The following TRPM8 variants were observed in gnomAD, a reference collection of about 807,000 sequenced individuals.
TRPM8 encodes the protein TRPM8 cationic channel.
In TRPM8, 110 loss-of-function variants were observed where a neutral mutation model predicts 133.7. That is an observed-to-expected ratio of 0.82 (90% confidence interval 0.70 to 0.96). The LOEUF (loss-of-function observed/expected upper bound fraction) is 0.96. Ranked by LOEUF, TRPM8 falls within the 40% of genes least tolerant of loss-of-function variation. TRPM8 has a pLI of 0.00. For synonymous variants in TRPM8, 535 were observed against 532.3 expected, an observed-to-expected ratio of 1.01 and a Z score of -0.07; for missense variants, 1,291 against 1,379.5, an observed-to-expected ratio of 0.94 and a Z score of 1.02.
chr2:233,950,133 G>A lies in TRPM8; in HGVS notation c.1127G>A (p.Ser376Asn), dbSNP rs1418038362. Reference sequence around the variant, plus strand: ...CGGCTGCCTGAGGAGGAGACTGAGAGTTGGATCAAATGGGTAAGTTGTCGG... The same window carrying A: ...CGGCTGCCTGAGGAGGAGACTGAGAATTGGATCAAATGGGTAAGTTGTCGG... ...VSRLPEEETESWIKWLKEILE... is the reference protein window; with the variant it reads ...VSRLPEEETENWIKWLKEILE... The change falls in exon 9 of 26, where the codon AGT becomes AAT. Residue 376 changes from serine (S) to asparagine (N), a missense_variant. Ser to Asn is a conservative substitution (Grantham distance 46, BLOSUM62 1). Around this residue, in one of 2 missense-constraint regions of TRPM8, gnomAD observed 963 missense variants for 968.9 expected, o/e 0.99. Transcript: ENST00000324695. 2 of 1,612,692 alleles carry A rather than the reference G, an allele frequency of 1.2e-6. No individual in the cohort carries two copies. The highest frequency in any genetic ancestry group is 1.1e-5 in the South Asian group (1 of 90,958).
intron 4 of TRPM8, among the ~76,000 whole-genome samples, chr2:233,938,163 G>A (rs1398923438): frequency 6.6e-6 from 1 of 152,178 alleles, no homozygotes; most frequent in Admixed American, 6.5e-5. Context: ...CCGCAGCTCT[G>A]CCCACCTCCC....
chr2:233,991,066 A>T (rs542438089), intron 21 of TRPM8, among the ~76,000 whole-genome samples: 1 of 152,166 alleles, frequency 6.6e-6, no homozygotes, highest in Non-Finnish European at 1.5e-5. Context: ...TCATGTACCC[A>T]GAGCCCCAAG....
At chr2:233,971,476 G>A (rs969669710) in intron 17 of TRPM8, among the ~76,000 whole-genome samples, 4 of 152,206 alleles carry the variant, frequency 2.6e-5, no homozygotes, top group Non-Finnish European at 5.9e-5. Context: ...CCAGTGCCCT[G>A]TGTCTGACTT....
chr2:233,984,360 G>T (rs906822069), intron 20 of TRPM8, among the ~76,000 whole-genome samples: 1 of 152,066 alleles, frequency 6.6e-6, no homozygotes, highest in Admixed American at 6.5e-5. Flanking sequence ...TTTCTCAGAC[G>T]CACCTTGGCA....
At chr2:233,976,254 G>A (rs1691870601) in intron 17 of TRPM8, among the ~76,000 whole-genome samples, 1 of 152,178 alleles carries the variant, frequency 6.6e-6, no homozygotes, top group Admixed American at 6.5e-5. Context: ...TTACTGGGAG[G>A]TTGGCCCAGA....
At chr2:234,014,880 A>G (rs1692922108) in intron 25 of TRPM8, among the ~76,000 whole-genome samples, 1 of 152,054 alleles carries the variant, frequency 6.6e-6, no homozygotes, top group Non-Finnish European at 1.5e-5. Context: ...AGGGATTAGC[A>G]TTGCTACGAG....
intron 9 of TRPM8, 88 bp downstream of exon 9, chr2:233,950,234 C>A: frequency 7.7e-7 from 1 of 1,294,904 alleles, no homozygotes; most frequent in Non-Finnish European, 1.1e-6. Flanking sequence ...ACTCCACCAG[C>A]AGCTGCACGT....
chr2:233,949,827 C>T, intron 8 of TRPM8, 122 bp from the exon 9 acceptor site: 1 of 777,550 alleles, frequency 1.3e-6, no homozygotes, highest in Non-Finnish European at 2.0e-6. Context: ...ATAAAAGCCC[C>T]AAAGGAAAAC....
chr2:234,011,457 T>C (rs879491540), intron 24 of TRPM8, among the ~76,000 whole-genome samples: 7 of 152,186 alleles, frequency 4.6e-5, no homozygotes, highest in Admixed American at 4.6e-4. Flanking sequence ...TTCTGTGGTT[T>C]TATATAATTT....
chr2:233,978,735 AAT>A (rs1272014203), intron 17 of TRPM8, among the ~76,000 whole-genome samples: 17 of 152,252 alleles, frequency 1.1e-4, no homozygotes, highest in Middle Eastern at 3.4e-3. Flanking sequence ...CTATTTACTG[AAT>A]AAAAAAGAGA....
At chr2:233,980,623 CT>C (rs1691982789) in intron 18 of TRPM8, among the ~76,000 whole-genome samples, 1 of 152,178 alleles carries the variant, frequency 6.6e-6, no homozygotes, top group Non-Finnish European at 1.5e-5. Context: ...CTGCCTCAGC[CT>C]CCCAAAGTGT....
At chr2:233,938,898 G>A in intron 4 of TRPM8, 100 bp from the exon 5 acceptor site, 1 of 1,370,974 alleles carries the variant, frequency 7.3e-7, no homozygotes, top group Non-Finnish European at 1.0e-6. Flanking sequence ...CCCTCTTCTA[G>A]AAGCAGGCAA....
chr2:234,005,886 C>G (rs1186965452), intron 22 of TRPM8, among the ~76,000 whole-genome samples: 1 of 150,752 alleles, frequency 6.6e-6, no homozygotes, highest in Non-Finnish European at 1.5e-5. Flanking sequence ...CGAGATTGCA[C>G]CACTGCACTC....
intron 17 of TRPM8, among the ~76,000 whole-genome samples, chr2:233,978,322 C>T (rs1480783504): frequency 6.6e-6 from 1 of 151,812 alleles, no homozygotes; most frequent in Non-Finnish European, 1.5e-5. Flanking sequence ...GCCTCTCAAG[C>T]TATGTTAATA....
At chr2:234,000,086 G>GATTTATTTATTTATTT (rs3078202) in intron 22 of TRPM8, among the ~76,000 whole-genome samples, 57 of 144,266 alleles carry the variant, frequency 4.0e-4, no homozygotes, top group Admixed American at 8.3e-4. Flanking sequence ...CAATGTGGAT[G>GATTTATTTATTTATTT]ATTTATTTAT....
chr2:233,990,718 G>C (rs138545150), intron 21 of TRPM8, among the ~76,000 whole-genome samples: 1,717 of 152,172 alleles, frequency 0.011, 22 homozygotes, highest in South Asian at 0.019. Context: ...CTCAGGATGC[G>C]GTCTGTGCAC....
chr2:233,927,844 C>T lies in TRPM8; in HGVS notation c.117+1190C>T, dbSNP rs1290944171. Among the ~76,000 whole-genome samples the T allele has an allele frequency of 1.4e-3, 94 of 69,350 alleles. 1 individual carries two copies. Among genetic ancestry groups the T allele is most frequent in the Non-Finnish European group, 2.1e-3 (75 of 36,162 alleles). 45.5% of individuals were successfully genotyped at this position (69,350 alleles called of 152,430 possible). ...CCTTCCTTCCTTCCTTCCTTCCTTCCTTCCTTCCTTTCTTTCTCTTTCTTT... is the reference window on the plus strand; with the variant it reads ...CCTTCCTTCCTTCCTTCCTTCCTTCTTTCCTTCCTTTCTTTCTCTTTCTTT... On this transcript the variant is annotated intron_variant, in intron 2 of 25. Transcript: ENST00000324695.
At position 233,958,855 on chromosome 2, in the gene TRPM8, C is replaced by G. The variant is rs547730533; in HGVS notation, c.1363-1921C>G. 3.9e-5 allele frequency among the ~76,000 whole-genome samples: 6 copies of G among 152,156 alleles called. No homozygotes were observed. The East Asian group carries it at 1.2e-3, about 29-fold the overall frequency. ...GTGGGCAGAAGACATCCACCTAGAC[C>G]AGGGATCAGGCACACAATGTAAGAG... On this transcript the variant is annotated intron_variant, in intron 11 of 25. Transcript: ENST00000324695.
chr2:233,946,965 G>A (rs1436023715), intron 7 of TRPM8, 123 bp from the exon 8 acceptor site: 3 of 776,782 alleles, frequency 3.9e-6, no homozygotes, highest in Non-Finnish European at 4.3e-6. Flanking sequence ...AAGTCCGTGA[G>A]ATGTGAAGCT....
Sources: allele counts gnomAD v4.1 joint callset (sites outside exome capture counted in the v4.1 genomes callset), GRCh38; gene constraint gnomAD v4.1.1; regional missense constraint gnomAD v4.1.1; transcripts MANE v1.5; gene names NCBI Gene and HGNC (gene_info 2026-07-23, HGNC 2026-07-21).